Variants in CASQ2 observed in about 807,000 individuals in gnomAD.
CASQ2 encodes the protein calsequestrin-2.
In CASQ2, 49 loss-of-function variants were observed where a neutral mutation model predicts 46.5. The observed-to-expected ratio is 1.05, with a 90% CI of 0.84 to 1.34. The LOEUF (loss-of-function observed/expected upper bound fraction) is 1.34, where lower values mean the gene tolerates loss of function less well. CASQ2 is among the 40% of genes most tolerant of loss of function. CASQ2 has a pLI of 0.00. For synonymous variants in CASQ2, 174 were observed against 168.5 expected (o/e 1.03, Z -0.25); for missense variants, 486 against 481.3 (o/e 1.01, Z -0.09).
intron 1 of CASQ2, among the ~76,000 whole-genome samples, chr1:115,761,420 GAAGAAGAAGAAGAAGAAGA>G (rs1357300141): frequency 4.4e-3 from 6 of 1,356 alleles, no homozygotes; most frequent in Non-Finnish European, 5.8e-3. Flanking sequence ...AGAAGAAGAA[GAAGAAGAAGAAGAAGAAGA>G]AAGAAGAAGA....
At chr1:115,706,171 C>A (rs967465322) in intron 8 of CASQ2, among the ~76,000 whole-genome samples, 2 of 149,546 alleles carry the variant, frequency 1.3e-5, no homozygotes, top group African/African-American at 4.9e-5. Flanking sequence ...TATGTGTGTG[C>A]GTGCGTGTGT....
At position 115,725,252 on chromosome 1, in the gene CASQ2, G is replaced by C. The variant is rs115594101; in HGVS notation, c.783+256C>G. Among the ~76,000 whole-genome samples, 888 of 152,038 alleles carry C rather than the reference G, an allele frequency of 5.8e-3. 8 individuals are homozygous for C. The highest frequency in any genetic ancestry group is 0.021 in the African/African-American group (851 of 41,466). ...CGGTTACTTTTTGCATTTTTTTGTAGAGACAGGGTTTTGCTATGTTGCCCA... is the reference window on the plus strand; with the variant it reads ...CGGTTACTTTTTGCATTTTTTTGTACAGACAGGGTTTTGCTATGTTGCCCA... On this transcript the variant is annotated intron_variant, in intron 7 of 10. Coordinates refer to ENST00000261448, the MANE Select transcript of CASQ2 (RefSeq NM_001232.4).
chr1:115,713,846 C>T lies in CASQ2; in HGVS notation c.838+3994G>A, dbSNP rs965575571. Reference sequence around the variant, plus strand: ...GGGTGGACTGTGCACAGGAGGGGCCCTTGGGAAATCTAAGCTCGATTTCCC... The same window carrying T: ...GGGTGGACTGTGCACAGGAGGGGCCTTTGGGAAATCTAAGCTCGATTTCCC... On this transcript the variant is annotated intron_variant, in intron 8 of 10. Transcript: ENST00000261448. Among the ~76,000 whole-genome samples the T allele has an allele frequency of 5.3e-5, 8 of 152,282 alleles. No individual in the cohort carries two copies. In the East Asian group the frequency reaches 7.7e-4, roughly 15 times the overall value.
intron 7 of CASQ2, among the ~76,000 whole-genome samples, chr1:115,724,687 C>A (rs1043180900): frequency 6.6e-6 from 1 of 152,188 alleles, no homozygotes; most frequent in African/African-American, 2.4e-5. Flanking sequence ...CAAGTTGGCT[C>A]AGCTGCTTGC....
chr1:115,744,696 A>G, intron 2 of CASQ2, 132 bp downstream of exon 2: 1 of 699,220 alleles, frequency 1.4e-6, no homozygotes, highest in Non-Finnish European at 2.6e-6. Flanking sequence ...ACCAAAGATG[A>G]AGGTATGCAG....
At chr1:115,739,673 T>C (rs1439387255) in intron 3 of CASQ2, among the ~76,000 whole-genome samples, 2 of 152,346 alleles carry the variant, frequency 1.3e-5, no homozygotes, top group Non-Finnish European at 1.5e-5. Context: ...AACTTGAGAA[T>C]AGTCAGCTTG....
At chr1:115,741,090 G>C (rs968162494) in intron 2 of CASQ2, among the ~76,000 whole-genome samples, 1 of 152,204 alleles carries the variant, frequency 6.6e-6, no homozygotes, top group Non-Finnish European at 1.5e-5. Context: ...CACTGCTTTA[G>C]TTTTCCAAAA....
intron 6 of CASQ2, 31 bp downstream of exon 6, chr1:115,726,961 G>GCCCCCCGCCC: frequency 1.5e-6 from 2 of 1,358,420 alleles, no homozygotes; most frequent in Non-Finnish European, 2.1e-6. Context: ...CAGACCCCAG[G>GCCCCCCGCCC]CCCCCAGCCC....
chr1:115,716,234 A>C (rs2101067191), intron 8 of CASQ2, among the ~76,000 whole-genome samples: 1 of 152,332 alleles, frequency 6.6e-6, no homozygotes, highest in East Asian at 1.9e-4. Context: ...GCTACCTGCA[A>C]AATCAATTTT....
At chr1:115,731,241 C>T (rs1647772767) in intron 5 of CASQ2, among the ~76,000 whole-genome samples, 1 of 152,176 alleles carries the variant, frequency 6.6e-6, no homozygotes, top group Non-Finnish European at 1.5e-5. Context: ...AGGCATGAAG[C>T]TATACAGTTG....
intron 7 of CASQ2, among the ~76,000 whole-genome samples, chr1:115,722,902 G>A (rs1647426053): frequency 6.6e-6 from 1 of 152,110 alleles, no homozygotes; most frequent in Non-Finnish European, 1.5e-5. Flanking sequence ...ACAAAAACTA[G>A]CCAGGTGTGG....
chr1:115,741,520 G>A (rs1390039786), intron 2 of CASQ2, among the ~76,000 whole-genome samples: 1 of 152,180 alleles, frequency 6.6e-6, no homozygotes, highest in East Asian at 1.9e-4. Context: ...ATCAAAGTGA[G>A]TTCTCTGAGG....
Position 115,705,590 on chromosome 1 carries a change from C to T in CASQ2, c.839-298G>A, listed in dbSNP as rs761894521. ...CAGCCTTGGGTCAGAAAGTCAGTCACGGAACAGAGAAATTCCTGCCTGTCC... is the reference window on the plus strand; with the variant it reads ...CAGCCTTGGGTCAGAAAGTCAGTCATGGAACAGAGAAATTCCTGCCTGTCC... On this transcript the variant is annotated intron_variant, in intron 8 of 10. Transcript: ENST00000261448. Among the ~76,000 whole-genome samples the T allele has an allele frequency of 2.6e-5, 4 of 152,284 alleles. No individual in the cohort carries two copies. In the East Asian group the frequency reaches 7.7e-4, roughly 29 times the overall value.
Position 115,706,269 on chromosome 1 carries a change from T to C in CASQ2, c.839-977A>G, listed in dbSNP as rs191347434. 2.1e-4 allele frequency among the ~76,000 whole-genome samples: 32 copies of C among 152,264 alleles called. No individual in the cohort carries two copies. In the East Asian group the frequency reaches 4.8e-3, roughly 23 times the overall value. On this transcript the variant is annotated intron_variant, in intron 8 of 10. Transcript: ENST00000261448. ...TGTGTGTCCACGTACAGAATCTCCA[T>C]TGTTTCAGGGAATCCCAGAGTATAG...
Position 115,768,524 on chromosome 1 carries a change from C to A in CASQ2, c.18G>T (p.Leu6Phe), listed in dbSNP as rs762622231. The A allele has an allele frequency of 6.2e-7, 1 of 1,611,582 alleles. No individual in the cohort carries two copies. The highest frequency in any genetic ancestry group is 1.1e-5 in the South Asian group (1 of 91,032). MKRTH[L>F]FIVGIYFLSS... ...ACAGAAAATAAATCCCCACAATAAACAAGTGAGTTCTCTTCATTTGGGAAA... is the reference window on the plus strand; with the variant it reads ...ACAGAAAATAAATCCCCACAATAAAAAAGTGAGTTCTCTTCATTTGGGAAA... Residue 6 changes from leucine to phenylalanine, a missense_variant, in exon 1 of 11, where the codon TTG (leucine) becomes TTT (phenylalanine). Coordinates refer to ENST00000261448, the MANE Select transcript of CASQ2 (RefSeq NM_001232.4).
intron 6 of CASQ2, among the ~76,000 whole-genome samples, chr1:115,726,626 C>G (rs772134244): frequency 6.6e-6 from 1 of 152,178 alleles, no homozygotes; most frequent in Non-Finnish European, 1.5e-5. Flanking sequence ...AATAATTACT[C>G]CCTAAGGTTG....
At chr1:115,751,218 T>C (rs1648568308) in intron 1 of CASQ2, among the ~76,000 whole-genome samples, 1 of 152,242 alleles carries the variant, frequency 6.6e-6, no homozygotes, top group East Asian at 1.9e-4. Context: ...GCTAGGGTTC[T>C]GGATCTTGTG....
intron 10 of CASQ2, 24 bp downstream of exon 10, chr1:115,702,897 C>T: frequency 6.3e-7 from 1 of 1,586,502 alleles, no homozygotes; most frequent in South Asian, 1.1e-5. Context: ...GGTGCCTGAG[C>T]AAGCCTTCAC....
chr1:115,738,152 TG>T lies in CASQ2; in HGVS notation c.532+71del, dbSNP rs920608284. ...GAGGTGCTGAAGACCCATCCTCTTT[TG>T]GGGTAACCTGACATACCTTGTTTGG... is the stretch of plus-strand genomic sequence containing the variant. On this transcript the variant is annotated intron_variant, in intron 4 of 10. Coordinates refer to ENST00000261448, the MANE Select transcript of CASQ2 (RefSeq NM_001232.4). 3.3e-6 allele frequency: 3 copies of T among 901,130 alleles called. No individual in the cohort carries two copies. In the African/African-American group the frequency reaches 4.9e-5, roughly 15 times the overall value. The allele number at this position is 901,130 out of a possible 1,614,324, so 55.8% of individuals were successfully genotyped here.
Sources: gnomAD v4.1 joint callset for allele counts (sites outside exome capture counted in the v4.1 genomes callset) on GRCh38, gnomAD v4.1.1 for gene constraint, MANE v1.5 for transcripts, NCBI Gene and HGNC (gene_info 2026-07-23, HGNC 2026-07-21) for gene names.